EFHC2: variants seen among roughly 807,000 people sequenced by gnomAD.
EFHC2 encodes the protein EF-hand domain containing 2.
In EFHC2, 18 loss-of-function variants were observed where a neutral mutation model predicts 52.7. The ratio of observed to expected loss-of-function variants is 0.34; its 90% CI spans 0.24 to 0.51. EFHC2 has a LOEUF of 0.51. Ranked by LOEUF, EFHC2 falls within the 20% of genes least tolerant of loss-of-function variation. The pLI is 0.97. For synonymous variants in EFHC2, 203 were observed against 204.1 expected (o/e 0.99, Z 0.04); for missense variants, 513 against 562.5 (o/e 0.91, Z 0.89).
chrX:44,274,404 G>A (rs913342195), intron 2 of EFHC2, among the ~76,000 whole-genome samples: 3 of 112,118 alleles, frequency 2.7e-5, no homozygotes, highest in African/African-American at 9.7e-5. Context: ...CTTCTGGGGT[G>A]ACAAAAAAGT....
At chrX:44,197,173 G>C (rs966968916) in intron 11 of EFHC2, among the ~76,000 whole-genome samples, 1 of 112,084 alleles carries the variant, frequency 8.9e-6, no homozygotes, top group Non-Finnish European at 1.9e-5. Context: ...TTATTAGTAA[G>C]TGGTAGAATG....
At chrX:44,168,848 A>G (rs777437393) in intron 13 of EFHC2, among the ~76,000 whole-genome samples, 1 of 111,275 alleles carries the variant, frequency 9.0e-6, no homozygotes, top group African/African-American at 3.3e-5. Flanking sequence ...AGAAATCTCC[A>G]GATTCCAGCT....
intron 1 of EFHC2, among the ~76,000 whole-genome samples, chrX:44,341,764 C>A (rs1035065319): frequency 1.8e-5 from 2 of 112,755 alleles, no homozygotes; most frequent in Middle Eastern, 4.6e-3. Flanking sequence ...TATTTAATTT[C>A]TTGATATTCA....
chrX:44,176,522 T>A lies in EFHC2; in HGVS notation c.1950-138A>T, dbSNP rs2036788683. The A allele has an allele frequency of 8.7e-6, 4 of 458,956 alleles. No homozygotes were observed. In the South Asian group the frequency reaches 1.6e-4, roughly 19 times the overall value. 37.8% of individuals were successfully genotyped at this position (458,956 alleles called of 1,213,427 possible). Reference sequence around the variant, plus strand: ...GAAGTATGAAAATTGGTATTGGAATTCACAATAAGGAAGAACAGTCACATT... The same window carrying A: ...GAAGTATGAAAATTGGTATTGGAATACACAATAAGGAAGAACAGTCACATT... On this transcript the variant is annotated intron_variant, in intron 12 of 14. Transcript: ENST00000420999.
intron 13 of EFHC2, among the ~76,000 whole-genome samples, 154 bp downstream of exon 13, chrX:44,176,138 T>G (rs1001563053): frequency 8.9e-6 from 1 of 112,544 alleles, no homozygotes. Context: ...AACTTTTCCT[T>G]CTGTAACACT....
At chrX:44,261,461 A>G (rs1400382621) in intron 3 of EFHC2, among the ~76,000 whole-genome samples, 163 bp from the exon 4 acceptor site, 1 of 111,566 alleles carries the variant, frequency 9.0e-6, no homozygotes, top group Non-Finnish European at 1.9e-5. Context: ...AGGAAGTCAG[A>G]ATGAGCTGAG....
At chrX:44,325,199 TTAAAA>T (rs2147392116) in intron 1 of EFHC2, among the ~76,000 whole-genome samples, 1 of 111,660 alleles carries the variant, frequency 9.0e-6, no homozygotes, top group South Asian at 3.7e-4. Flanking sequence ...GGGCACTTAT[TTAAAA>T]TGTTTGCCCC....
At chrX:44,288,665 G>A (rs1441502170) in intron 2 of EFHC2, among the ~76,000 whole-genome samples, 1 of 111,356 alleles carries the variant, frequency 9.0e-6, no homozygotes, top group Non-Finnish European at 1.9e-5. Context: ...TTTTGTTTAG[G>A]TTTAATTCTG....
chrX:44,171,511 G>A (rs1413721192), intron 13 of EFHC2, among the ~76,000 whole-genome samples: 1 of 111,370 alleles, frequency 9.0e-6, no homozygotes, highest in Non-Finnish European at 1.9e-5. Flanking sequence ...ACGAACCCAG[G>A]GGTGCATCTT....
intron 5 of EFHC2, among the ~76,000 whole-genome samples, chrX:44,249,351 TA>T (rs1402294616): frequency 9.0e-6 from 1 of 111,638 alleles, no homozygotes; most frequent in Non-Finnish European, 1.9e-5. Flanking sequence ...TTTATCCAAA[TA>T]AGAAAGAAAA....
intron 14 of EFHC2, among the ~76,000 whole-genome samples, chrX:44,159,141 G>A (rs1026295210): frequency 3.6e-5 from 4 of 111,290 alleles, no homozygotes; most frequent in African/African-American, 9.8e-5. Context: ...ATCACAGTTC[G>A]ACTTCTCCCT....
At chrX:44,224,931 C>T (rs1408173849) in intron 11 of EFHC2, among the ~76,000 whole-genome samples, 1 of 111,810 alleles carries the variant, frequency 8.9e-6, no homozygotes, top group Non-Finnish European at 1.9e-5. Flanking sequence ...GCTGCTGCTG[C>T]TGCCTGTGGT....
At chrX:44,320,701 C>G (rs1050107172) in intron 1 of EFHC2, among the ~76,000 whole-genome samples, 5 of 110,417 alleles carry the variant, frequency 4.5e-5, no homozygotes, top group African/African-American at 6.6e-5. Flanking sequence ...CTTCAGTGCC[C>G]TTAGTCTTGC....
chrX:44,202,854 C>T (rs748150157), intron 11 of EFHC2, among the ~76,000 whole-genome samples: 1 of 111,260 alleles, frequency 9.0e-6, no homozygotes, highest in Non-Finnish European at 1.9e-5. Flanking sequence ...GAGCACAGCC[C>T]ACCAAAGCAT....
At chrX:44,176,896 G>A (rs937120235) in intron 12 of EFHC2, among the ~76,000 whole-genome samples, 3 of 111,965 alleles carry the variant, frequency 2.7e-5, no homozygotes, top group African/African-American at 9.7e-5. Flanking sequence ...GTTTTCTCTA[G>A]AGCAGCCCAA....
chrX:44,262,566 AAAAAAAG>A (rs1407233509), intron 3 of EFHC2, among the ~76,000 whole-genome samples: 13 of 109,159 alleles, frequency 1.2e-4, no homozygotes, highest in African/African-American at 4.3e-4. Flanking sequence ...AAAGAATTTG[AAAAAAAG>A]AAAAAAGGGT....
intron 3 of EFHC2, among the ~76,000 whole-genome samples, chrX:44,270,657 C>A (rs1040476743): frequency 4.5e-5 from 5 of 111,524 alleles, no homozygotes; most frequent in African/African-American, 1.6e-4. Context: ...TATATAAGGA[C>A]ACTAAATATT....
intron 11 of EFHC2, among the ~76,000 whole-genome samples, chrX:44,219,277 C>T (rs756638071): frequency 3.6e-5 from 4 of 110,145 alleles, no homozygotes; most frequent in African/African-American, 1.3e-4. Flanking sequence ...TGGTAATGTT[C>T]TATGTGTTAG....
chrX:44,305,029 A>AG (rs928563191), intron 2 of EFHC2, among the ~76,000 whole-genome samples: 63 of 110,295 alleles, frequency 5.7e-4, no homozygotes, highest in African/African-American at 1.9e-3. Flanking sequence ...TGGGAGGCTG[A>AG]GGGGGGTGGA....
Sources: gnomAD v4.1 joint callset for allele counts (sites outside exome capture counted in the v4.1 genomes callset) on GRCh38, gnomAD v4.1.1 for gene constraint, MANE v1.5 for transcripts, NCBI Gene and HGNC (gene_info 2026-07-23, HGNC 2026-07-21) for gene names.